RNF41: variants seen among roughly 807,000 people sequenced by gnomAD.
RNF41 encodes E3 ubiquitin-protein ligase NRDP1.
A neutral mutation model predicts 33.0 loss-of-function variants in RNF41; 4 were observed. The observed-to-expected ratio is 0.12, with a 90% confidence interval of 0.06 to 0.28. The LOEUF is 0.28. RNF41 is among the 10% of genes least tolerant of loss of function. The pLI, the probability that RNF41 is intolerant of heterozygous loss-of-function variation, is 1.00. For synonymous variants in RNF41, 164 were observed against 153.2 expected (o/e 1.07, Z -0.52); for missense variants, 228 against 432.6 (o/e 0.53, Z 4.19).
intron 3 of RNF41, 26 bp from the exon 4 acceptor site, chr12:56,210,594 G>A (rs757851781): frequency 1.9e-5 from 31 of 1,602,964 alleles, no homozygotes; most frequent in Non-Finnish European, 2.6e-5. Context: ...AGGCAAAAGG[G>A]GCGCAAGGGA....
intron 1 of RNF41, 97 bp downstream of exon 1, chr12:56,221,663 A>C (rs2135823135): frequency 1.3e-5 from 2 of 151,782 alleles, no homozygotes; most frequent in Admixed American, 6.6e-5. Flanking sequence ...CCTGAACCCC[A>C]GTTATTTCAA....
intron 3 of RNF41, chr12:56,212,995 C>G (rs1003600738): frequency 7.8e-7 from 1 of 1,289,682 alleles, no homozygotes; most frequent in East Asian, 5.5e-5. Flanking sequence ...ATTGTACTTG[C>G]CTGGTAATCG....
chr12:56,218,016 C>T (rs891732790), intron 1 of RNF41, among the ~76,000 whole-genome samples: 1 of 152,070 alleles, frequency 6.6e-6, no homozygotes, highest in Admixed American at 6.6e-5. Context: ...TGCAATGGCG[C>T]GATCTTGGCT....
chr12:56,213,662 AC>A (rs1261252436), intron 3 of RNF41, among the ~76,000 whole-genome samples: 1 of 152,158 alleles, frequency 6.6e-6, no homozygotes, highest in Admixed American at 6.6e-5. Flanking sequence ...AAAGGAAGCT[AC>A]CCAGCTACTA....
chr12:56,214,596 G>C (rs534080094), intron 2 of RNF41, among the ~76,000 whole-genome samples: 1 of 147,982 alleles, frequency 6.8e-6, no homozygotes, highest in East Asian at 2.0e-4. Flanking sequence ...TGGGAGGCCG[G>C]GACAGGCAGA....
intron 6 of RNF41, chr12:56,207,269 T>C: frequency 7.5e-7 from 1 of 1,333,602 alleles, no homozygotes; most frequent in South Asian, 1.2e-5. Context: ...ATCACTTTCC[T>C]GGACTTGCAC....
intron 3 of RNF41, chr12:56,213,199 G>GT (rs1868613141): frequency 4.4e-5 from 42 of 965,332 alleles, no homozygotes; most frequent in East Asian, 1.4e-4. Context: ...CTTCCTATTT[G>GT]TTTTTGTTTT....
At chr12:56,219,911 G>C (rs1263946923) in intron 1 of RNF41, among the ~76,000 whole-genome samples, 1 of 151,768 alleles carries the variant, frequency 6.6e-6, no homozygotes, top group African/African-American at 2.4e-5. Flanking sequence ...CGGCTACTGA[G>C]GAGGCTGAAG....
chr12:56,207,285 C>T (rs751465800), intron 6 of RNF41: 6 of 1,340,522 alleles, frequency 4.5e-6, no homozygotes, highest in African/African-American at 1.5e-5. Context: ...TGCACTCTGC[C>T]TCCTCTTCTC....
Position 56,210,583 on chromosome 12 carries a change from A to C in RNF41, c.91-15T>G. ...CAATGAGGTGCCTAGAAGAGAGAAC[A>C]AGGCAAAAGGGGCGCAAGGGAATTA... On this transcript the variant is annotated splice_polypyrimidine_tract_variant and intron_variant, in intron 3 of 6. Transcript: ENST00000345093. 1 of 1,608,394 alleles carries C rather than the reference A, an allele frequency of 6.2e-7. No individual in the cohort carries two copies. Among genetic ancestry groups the C allele is most frequent in the Non-Finnish European group, 8.5e-7 (1 of 1,178,886 alleles).
Position 56,205,118 on chromosome 12 carries a change from G to A in RNF41, c.*1329C>T, listed in dbSNP as rs1477469932. 4.6e-5 allele frequency: 7 copies of A among 152,208 alleles called. No homozygotes were observed. Among genetic ancestry groups the A allele is most frequent in the Non-Finnish European group, 1.0e-4 (7 of 68,056 alleles). The allele number at this position is 152,208 out of a possible 1,614,324, so 9.4% of individuals were successfully genotyped here. On this transcript the variant is annotated 3_prime_UTR_variant, in exon 7 of 7. Transcript: ENST00000345093. ...TTAGAACCCAGCTATACAGCTCCAA[G>A]GAAACTTGGGGAAGGGGGAGTTGCC...
At chr12:56,215,114 G>A (rs1433974381) in intron 2 of RNF41, among the ~76,000 whole-genome samples, 1 of 152,100 alleles carries the variant, frequency 6.6e-6, no homozygotes, top group African/African-American at 2.4e-5. Flanking sequence ...GCCCAGAAGA[G>A]GGCATATGAT....
intron 1 of RNF41, among the ~76,000 whole-genome samples, chr12:56,217,910 A>C (rs1265254502): frequency 6.6e-6 from 1 of 152,142 alleles, no homozygotes; most frequent in East Asian, 1.9e-4. Flanking sequence ...TTCCACAAAA[A>C]GGCTGGGGAT....
intron 2 of RNF41, among the ~76,000 whole-genome samples, chr12:56,215,453 G>A (rs556822366): frequency 1.4e-4 from 21 of 152,118 alleles, no homozygotes; most frequent in African/African-American, 1.9e-4. Flanking sequence ...GGGCATGGTG[G>A]CTCATGCCTG....
intron 3 of RNF41, among the ~76,000 whole-genome samples, chr12:56,211,616 G>A (rs1231436794): frequency 6.6e-6 from 1 of 152,068 alleles, no homozygotes; most frequent in Admixed American, 6.6e-5. Flanking sequence ...TATGGGTCTT[G>A]AAGGATAATT....
chr12:56,207,656 C>T lies in RNF41; in HGVS notation c.592G>A (p.Glu198Lys), dbSNP rs754947944. The T allele has an allele frequency of 6.2e-7, 1 of 1,611,722 alleles. No individual in the cohort carries two copies. The highest frequency in any genetic ancestry group is 8.5e-7 in the Non-Finnish European group (1 of 1,177,806). ...QNLEETIEYN[E>K]ILEWVNSLQP... ...CTGAGTGACACTCACTCTAGGATCT[C>T]GTTGTATTCAATTGTCTCCTCCAGG... The change falls in exon 6 of 7, where the codon GAG becomes AAG. Residue 198 changes from glutamate (E) to lysine (K), a missense_variant. By Grantham distance (56) the Glu-to-Lys change is moderately conservative. Coordinates refer to ENST00000345093, the MANE Select transcript of RNF41 (RefSeq NM_005785.4).
intron 6 of RNF41, chr12:56,207,288 C>T: frequency 7.5e-7 from 1 of 1,342,142 alleles, no homozygotes; most frequent in Non-Finnish European, 9.8e-7. Flanking sequence ...ACTCTGCCTC[C>T]TCTTCTCTGG....
Position 56,210,587 on chromosome 12 carries a change from C to T in RNF41, c.91-19G>A. 1 of 1,606,510 alleles carries T rather than the reference C, an allele frequency of 6.2e-7. No individual in the cohort carries two copies. Among genetic ancestry groups the T allele is most frequent in the Non-Finnish European group, 8.5e-7 (1 of 1,178,636 alleles). On this transcript the variant is annotated intron_variant, in intron 3 of 6. Coordinates refer to ENST00000345093, the MANE Select transcript of RNF41 (RefSeq NM_005785.4). ...GAGGTGCCTAGAAGAGAGAACAAGG[C>T]AAAAGGGGCGCAAGGGAATTAGCAG...
chr12:56,220,049 A>G (rs1009731751), intron 1 of RNF41, among the ~76,000 whole-genome samples: 7 of 151,438 alleles, frequency 4.6e-5, no homozygotes, highest in African/African-American at 7.3e-5. Flanking sequence ...AAATAAATAA[A>G]TAAATAAATA....
Sources: allele counts gnomAD v4.1 joint callset (sites outside exome capture counted in the v4.1 genomes callset), GRCh38; gene constraint gnomAD v4.1.1; transcripts MANE v1.5; gene names NCBI Gene and HGNC (gene_info 2026-07-23, HGNC 2026-07-21).